FAM20A: variants seen among roughly 807,000 people sequenced by gnomAD.
The protein encoded by FAM20A is FAM20A golgi associated secretory pathway pseudokinase, also known as pseudokinase FAM20A.
In FAM20A, 42 loss-of-function variants were observed where a neutral mutation model predicts 52.0. The ratio of observed to expected loss-of-function variants is 0.81; its 90% CI spans 0.63 to 1.04. FAM20A has a LOEUF of 1.04. Among genes scored for constraint, FAM20A ranks in the 50% least tolerant of loss-of-function variants. FAM20A has a pLI of 0.00. For missense variants in FAM20A, 742 were observed against 712.7 expected, an observed-to-expected ratio of 1.04 and a Z score of -0.47; for synonymous variants, 304 against 298.9, an observed-to-expected ratio of 1.02 and a Z score of -0.18.
Position 68,538,397 on chromosome 17 carries a change from G to A in FAM20A, c.1362-656C>T, listed in dbSNP as rs533716041. 3.9e-5 allele frequency among the ~76,000 whole-genome samples: 6 copies of A among 152,338 alleles called. No individual in the cohort carries two copies. The South Asian group carries it at 1.2e-3, about 32-fold the overall frequency. ...TAAATTAACCTAAGACATAGATGAG[G>A]AATACTCATGCTCTACTCCGAGTTT... On this transcript the variant is annotated intron_variant, in intron 10 of 10. Coordinates refer to ENST00000592554, the MANE Select transcript of FAM20A (RefSeq NM_017565.4).
At chr17:68,547,221 T>G (rs1015483230) in intron 4 of FAM20A, among the ~76,000 whole-genome samples, 3 of 152,212 alleles carry the variant, frequency 2.0e-5, no homozygotes, top group African/African-American at 7.2e-5. Flanking sequence ...CCCAGCGACA[T>G]TATCACCTAA....
chr17:68,541,593 TC>T (rs1363102928), intron 7 of FAM20A: 2 of 195,194 alleles, frequency 1.0e-5, no homozygotes, highest in African/African-American at 2.3e-5. Context: ...GTCCTTGGTC[TC>T]CCAGGGCTTG....
At position 68,542,785 on chromosome 17, in the gene FAM20A, C is replaced by A; in HGVS notation, c.837G>T (p.Pro279=). Residue 279 remains proline (P), a synonymous_variant, in exon 6 of 11, where the codon CCG becomes CCT. Coordinates refer to ENST00000592554, the MANE Select transcript of FAM20A (RefSeq NM_017565.4). ...CATTTACTATCCTCCCCACTGTTGG[C>A]GGCACCCGTCGGAAGTCCAGAATCC... ...LDRILDFRRV[P]PTVGRIVNVT... The A allele has an allele frequency of 6.2e-7, 1 of 1,613,976 alleles. No homozygotes were observed. The highest frequency in any genetic ancestry group is 8.5e-7 in the Non-Finnish European group (1 of 1,179,896).
At chr17:68,561,968 C>T (rs545902070) in intron 1 of FAM20A, among the ~76,000 whole-genome samples, 3 of 152,236 alleles carry the variant, frequency 2.0e-5, no homozygotes, top group South Asian at 2.1e-4. Context: ...GATTTACAGG[C>T]GCATGCCACC....
intron 1 of FAM20A, among the ~76,000 whole-genome samples, chr17:68,559,757 G>T (rs147654664): frequency 6.6e-6 from 1 of 152,256 alleles, no homozygotes; most frequent in East Asian, 1.9e-4. Context: ...AATGTTGCTG[G>T]TGTTTTTCCC....
intron 1 of FAM20A, among the ~76,000 whole-genome samples, chr17:68,585,061 C>T (rs1568778825): frequency 1.3e-5 from 2 of 152,184 alleles, no homozygotes; most frequent in South Asian, 4.1e-4. Flanking sequence ...CATTTTGCAG[C>T]CACATTCCAT....
In FAM20A at chr17:68,537,812, C is replaced by T; in HGVS notation, c.1362-71G>A. 3 of 1,513,844 alleles carry T rather than the reference C, an allele frequency of 2.0e-6. No individual in the cohort carries two copies. The highest frequency in any genetic ancestry group is 1.4e-5 in the African/African-American group (1 of 72,496). 93.8% of individuals were successfully genotyped at this position (1,513,844 alleles called of 1,614,324 possible). ...AATAACTTGCCTGAACTTCTTTCCC[C>T]ACAAACAGCTGTTGTAGCTGATACT... On this transcript the variant is annotated intron_variant, in intron 10 of 10. Coordinates refer to ENST00000592554, the MANE Select transcript of FAM20A (RefSeq NM_017565.4). This position sits in a 1 kb window ranked among gnomAD's most constrained non-coding sequence, Gnocchi z 4.2.
At chr17:68,567,532 T>G (rs2087411250) in intron 1 of FAM20A, among the ~76,000 whole-genome samples, 2 of 151,882 alleles carry the variant, frequency 1.3e-5, no homozygotes, top group Admixed American at 6.5e-5. Flanking sequence ...GGTGATTCAT[T>G]ATGAAGGTGC....
At chr17:68,563,110 G>T (rs567341258) in intron 1 of FAM20A, among the ~76,000 whole-genome samples, 1 of 152,278 alleles carries the variant, frequency 6.6e-6, no homozygotes, top group African/African-American at 2.4e-5. Context: ...AAACAGCCGG[G>T]CGCAGTGGCT....
At chr17:68,581,417 T>TCTTTCTTTCTTTC (rs1368089967) in intron 1 of FAM20A, among the ~76,000 whole-genome samples, 12 of 103,214 alleles carry the variant, frequency 1.2e-4, no homozygotes, top group African/African-American at 4.7e-4. Flanking sequence ...TTTCTTTCTT[T>TCTTTCTTTCTTTC]TTCTCTTTTC....
rs542375741 is a variant in FAM20A, at chr17:68,535,439, G to A, written c.*2038C>T. The A allele has an allele frequency of 9.9e-5, 45 of 454,044 alleles. No homozygotes were observed. The highest frequency in any genetic ancestry group is 7.0e-4 in the South Asian group (45 of 64,470). The allele number at this position is 454,044 out of a possible 1,614,324, so 28.1% of individuals were successfully genotyped here. A position where few individuals can be genotyped will look rare whatever the true frequency, so the allele number is the denominator to read the frequency against. On this transcript the variant is annotated 3_prime_UTR_variant, in exon 11 of 11. Transcript: ENST00000592554. ...AGAGCTGTAGCCTGCTTTCCTGAGA[G>A]TCTTATTTGGAAGTCCCAAACCATT...
intron 4 of FAM20A, among the ~76,000 whole-genome samples, chr17:68,549,331 C>G (rs2086724388): frequency 1.3e-5 from 2 of 152,082 alleles, no homozygotes; most frequent in South Asian, 4.1e-4. Context: ...CCTGTCTCTA[C>G]TAAATATACA....
At chr17:68,549,494 CAAA>C (rs34993560) in intron 4 of FAM20A, among the ~76,000 whole-genome samples, 9 of 126,932 alleles carry the variant, frequency 7.1e-5, no homozygotes, top group African/African-American at 8.8e-5. Flanking sequence ...AACTCCATCT[CAAA>C]AAAAAAAAAA....
chr17:68,587,173 T>C (rs890952793), intron 1 of FAM20A, among the ~76,000 whole-genome samples: 5 of 152,184 alleles, frequency 3.3e-5, no homozygotes. Context: ...GCCGGGATTA[T>C]AGGCATGAGC....
At chr17:68,538,055 G>A (rs1007652669) in intron 10 of FAM20A, among the ~76,000 whole-genome samples, 1 of 152,180 alleles carries the variant, frequency 6.6e-6, no homozygotes, top group African/African-American at 2.4e-5. Context: ...TGATACTTAG[G>A]ATTTTTCAAG....
intron 1 of FAM20A, among the ~76,000 whole-genome samples, chr17:68,572,494 T>C (rs145984609): frequency 6.6e-6 from 1 of 152,296 alleles, no homozygotes; most frequent in East Asian, 1.9e-4. Context: ...TGAGTAGTAG[T>C]AACTGGGCCA....
chr17:68,555,450 T>C, intron 2 of FAM20A, 109 bp downstream of exon 2: 1 of 1,162,860 alleles, frequency 8.6e-7, no homozygotes, highest in Non-Finnish European at 1.3e-6. Flanking sequence ...TTCTCTCAGG[T>C]GTCCATGTCA....
At position 68,542,703 on chromosome 17, in the gene FAM20A, C is replaced by G. The variant is rs2086360709; in HGVS notation, c.919G>C (p.Val307Leu). The change falls in exon 6 of 11, where the codon GTC (valine) becomes CTC (leucine). Residue 307 changes from valine to leucine, a missense_variant. Coordinates refer to ENST00000592554, the MANE Select transcript of FAM20A (RefSeq NM_017565.4). ...CGGGCCAGTACTCTACCTGGAGAGA[C>G]AAAGAAAACACTCTGCAGGATTTCA... ...KNEILQSVFF[V>L]SPASNVCFFA... 2.5e-6 allele frequency: 4 copies of G among 1,613,146 alleles called. No individual in the cohort carries two copies. Among genetic ancestry groups the G allele is most frequent in the Non-Finnish European group, 3.4e-6 (4 of 1,179,274 alleles).
At chr17:68,556,058 T>C (rs2087042040) in intron 1 of FAM20A, among the ~76,000 whole-genome samples, 1 of 152,192 alleles carries the variant, frequency 6.6e-6, no homozygotes, top group African/African-American at 2.4e-5. Flanking sequence ...AGAATAAAAC[T>C]AGGGCCTCAT....
Sources: gnomAD v4.1 joint callset for allele counts (sites outside exome capture counted in the v4.1 genomes callset) on GRCh38, gnomAD v4.1.1 for gene constraint, Gnocchi (gnomAD v3.1) non-coding constraint, MANE v1.5 for transcripts, NCBI Gene and HGNC (gene_info 2026-07-23, HGNC 2026-07-21) for gene names.